ZNF318: variants seen among roughly 807,000 people sequenced by gnomAD.
The protein encoded by ZNF318 is zinc finger protein 318, also known as endocrine regulator.
In ZNF318, 51 loss-of-function variants were observed where a neutral mutation model predicts 124.2. The ratio of observed to expected loss-of-function variants is 0.41; its 90% CI spans 0.33 to 0.52. The LOEUF (loss-of-function observed/expected upper bound fraction) is 0.52. Ranked by LOEUF, ZNF318 falls within the 20% of genes least tolerant of loss-of-function variation. The probability of loss-of-function intolerance (pLI) is 0.23; values close to 1 mark genes in which losing one functional copy is unlikely to be tolerated. For synonymous variants in ZNF318, 1,090 were observed against 1,040.7 expected (o/e 1.05, Z -0.91); for missense variants, 2,815 against 2,811.2 (o/e 1.00, Z -0.03).
chr6:43,362,152 C>A (rs1451667442), intron 2 of ZNF318, among the ~76,000 whole-genome samples: 1 of 150,920 alleles, frequency 6.6e-6, no homozygotes, highest in Non-Finnish European at 1.5e-5. Flanking sequence ...AGAGTGAGAC[C>A]CTGTCTCTTA....
chr6:43,355,214 T>A lies in ZNF318; in HGVS notation c.2120A>T (p.Lys707Ile), dbSNP rs767801219. 2.5e-6 allele frequency: 4 copies of A among 1,614,184 alleles called. No homozygotes were observed. The highest frequency in any genetic ancestry group is 3.4e-6 in the Non-Finnish European group (4 of 1,180,042). ...PSPVDPYLLT[K>I]NSPPFLKSDH... is the part of the protein sequence containing the mutation. ...AGACTTTAGGAATGGAGGGCTGTTTTTTGTGAGCAGGTAAGGATCCACAGG... is the reference window on the plus strand; with the variant it reads ...AGACTTTAGGAATGGAGGGCTGTTTATTGTGAGCAGGTAAGGATCCACAGG... The change falls in exon 4 of 10, where the codon AAA (lysine) becomes ATA (isoleucine). Residue 707 changes from lysine (K) to isoleucine (I), a missense_variant. Lys to Ile is a moderately radical substitution (Grantham distance 102). Transcript: ENST00000361428.
chr6:43,368,799 A>C, intron 1 of ZNF318, 168 bp downstream of exon 1: 1 of 984,858 alleles, frequency 1.0e-6, no homozygotes, highest in Non-Finnish European at 1.2e-6. Context: ...TATTGTGTCA[A>C]CGCTCCCGGG....
At chr6:43,353,713 A>C (rs1779564958) in intron 4 of ZNF318, among the ~76,000 whole-genome samples, 1 of 152,148 alleles carries the variant, frequency 6.6e-6, no homozygotes. Context: ...TAGACACATT[A>C]CATTTTTATG....
Position 43,356,016 on chromosome 6 carries a change from CTA to C in ZNF318, c.1316_1317del (p.Val439GlyfsTer40). On this transcript the variant is annotated frameshift_variant, in exon 4 of 10. Transcript: ENST00000361428. LOFTEE classifies it high-confidence loss of function. ...ASEIENKGTM[V>X]ETALKEPQGN... ...CCCTGAGGTTCCTTCAAGGCAGTCT[CTA>C]CCATAGTCCCCTTGTTTTCAATCTC... The C allele has an allele frequency of 6.2e-7, 1 of 1,614,208 alleles. No individual in the cohort carries two copies.
At chr6:43,364,936 C>T (rs1038205068) in intron 2 of ZNF318, among the ~76,000 whole-genome samples, 2 of 152,140 alleles carry the variant, frequency 1.3e-5, no homozygotes, top group Admixed American at 6.5e-5. Flanking sequence ...TTGTCCAGAA[C>T]TTTTCTTTGG....
At chr6:43,346,500 A>G (rs2150751281) in intron 6 of ZNF318, among the ~76,000 whole-genome samples, 1 of 145,846 alleles carries the variant, frequency 6.9e-6, no homozygotes, top group Admixed American at 6.9e-5. Flanking sequence ...AGCCTGGGCA[A>G]TATAGCAAGA....
At chr6:43,361,587 T>A (rs1329820007) in intron 2 of ZNF318, among the ~76,000 whole-genome samples, 5 of 152,240 alleles carry the variant, frequency 3.3e-5, no homozygotes, top group East Asian at 1.9e-4. Context: ...TAATTTTTTT[T>A]AAATAAATAG....
Position 43,354,866 on chromosome 6 carries a change from G to C in ZNF318, c.2468C>G (p.Pro823Arg), listed in dbSNP as rs779501689. The C allele has an allele frequency of 6.2e-7, 1 of 1,614,168 alleles. No individual in the cohort carries two copies. The highest frequency in any genetic ancestry group is 1.1e-5 in the South Asian group (1 of 91,086). The change falls in exon 4 of 10, where the codon CCA becomes CGA. Residue 823 changes from proline (P) to arginine (R), a missense_variant. Physicochemically the swap from Pro to Arg is moderately radical, Grantham distance 103. Coordinates refer to ENST00000361428, the MANE Select transcript of ZNF318 (RefSeq NM_014345.3). ...GCTACGAGTAGCTTGTTTGGTTATTGGCATTATCCTGTGTGGTTCAGGTAC... is the reference window on the plus strand; with the variant it reads ...GCTACGAGTAGCTTGTTTGGTTATTCGCATTATCCTGTGTGGTTCAGGTAC... ...HPVPEPHRIM[P>R]ITKQATRSRP... is the part of the protein sequence containing the mutation.
rs770942028 is a variant in ZNF318 at position 43,355,915 on chromosome 6, A to G, written c.1419T>C (p.Phe473=). 6.2e-7 allele frequency: 1 copy of G among 1,614,212 alleles called. No homozygotes were observed. Among genetic ancestry groups the G allele is most frequent in the East Asian group, 2.2e-5 (1 of 44,884 alleles). ...NSPLREKFGS[F]LCHKDNLDLK... is the part of the protein sequence containing the mutation. ...AATCCAAATTATCCTTGTGGCATAG[A>G]AAACTTCCAAATTTTTCTCTGAGAG... Residue 473 remains phenylalanine, a synonymous_variant, in exon 4 of 10, where the codon TTT becomes TTC. Coordinates refer to ENST00000361428, the MANE Select transcript of ZNF318 (RefSeq NM_014345.3).
intron 4 of ZNF318, among the ~76,000 whole-genome samples, chr6:43,353,703 T>TA (rs899009708): frequency 1.5e-4 from 23 of 152,256 alleles, no homozygotes; most frequent in African/African-American, 3.9e-4. Context: ...CAAACCAAAT[T>TA]AGACACATTA....
Position 43,355,942 on chromosome 6 carries a change from A to G in ZNF318, c.1392T>C (p.Ser464=), listed in dbSNP as rs1323638660. 4 of 1,614,058 alleles carry G rather than the reference A, an allele frequency of 2.5e-6. No individual in the cohort carries two copies. The African/African-American group carries it at 5.3e-5, about 22-fold the overall frequency. Residue 464 remains serine, a synonymous_variant, in exon 4 of 10, where the codon AGT becomes AGC. Coordinates refer to ENST00000361428, the MANE Select transcript of ZNF318 (RefSeq NM_014345.3). ...GPLPGIPKDN[S]PLREKFGSFL... is the part of the protein sequence containing the mutation. ...AACTTCCAAATTTTTCTCTGAGAGG[A>G]CTGTTGTCTTTGGGAATCCCAGGAA... is the stretch of plus-strand genomic sequence containing the variant.
chr6:43,355,721 A>G lies in ZNF318; in HGVS notation c.1613T>C (p.Leu538Pro), dbSNP rs1193577912. ...FPDIEDEEKF[L>P]YGDEEEDLKA... ...TAAATCCTCTTCTTCATCCCCATAG[A>G]GAAATTTCTCCTCATCTTCAATGTC... is the stretch of plus-strand genomic sequence containing the variant. Residue 538 changes from leucine to proline, a missense_variant, in exon 4 of 10, where the codon CTC becomes CCC. Around this residue, in one of 4 missense-constraint regions of ZNF318, gnomAD observed 1,377 missense variants for 1,353.5 expected, o/e 1.02. Transcript: ENST00000361428. 2 of 1,614,042 alleles carry G rather than the reference A, an allele frequency of 1.2e-6. No homozygotes were observed. Among genetic ancestry groups the G allele is most frequent in the Non-Finnish European group, 1.7e-6 (2 of 1,180,036 alleles).
At chr6:43,351,939 G>A (rs1395115668) in intron 5 of ZNF318, among the ~76,000 whole-genome samples, 2 of 152,006 alleles carry the variant, frequency 1.3e-5, no homozygotes, top group Admixed American at 6.6e-5. Context: ...TGAGGAGTTC[G>A]AGACCAAACT....
chr6:43,342,235 T>A (rs373174372), intron 7 of ZNF318, 24 bp from the exon 8 acceptor site: 15 of 1,566,288 alleles, frequency 9.6e-6, no homozygotes, highest in African/African-American at 4.1e-5. Flanking sequence ...GCAGAGGTGC[T>A]CACACAACAG....
chr6:43,340,283 CAG>C lies in ZNF318; in HGVS notation c.3713_3714del (p.Ser1238Ter). ...GCTTTTTCAGGGGAGTTCCTACCCT[CAG>C]AGAGTTGGTCTTCTAATTTCTCAGA... is the stretch of plus-strand genomic sequence containing the variant. Reference protein sequence around the residue: ...KVSEKLEDQLSEGRNSPEKAE... With the variant: ...KVSEKLEDQLXEGRNSPEKAE... On this transcript the variant is annotated frameshift_variant, in exon 10 of 10. Coordinates refer to ENST00000361428, the MANE Select transcript of ZNF318 (RefSeq NM_014345.3). LOFTEE classifies it high-confidence loss of function. The C allele has an allele frequency of 6.2e-7, 1 of 1,613,982 alleles. No homozygotes were observed. The highest frequency in any genetic ancestry group is 8.5e-7 in the Non-Finnish European group (1 of 1,179,992).
chr6:43,356,488 C>G (rs947647457), intron 3 of ZNF318, among the ~76,000 whole-genome samples: 1 of 152,174 alleles, frequency 6.6e-6, no homozygotes, highest in Admixed American at 6.5e-5. Context: ...GCTGCTTTGG[C>G]TGAAGTGGGG....
intron 5 of ZNF318, among the ~76,000 whole-genome samples, chr6:43,350,966 G>A (rs1266631923): frequency 6.6e-6 from 1 of 152,142 alleles, no homozygotes; most frequent in Non-Finnish European, 1.5e-5. Flanking sequence ...TAATTAAAAA[G>A]GATAAAACAG....
At chr6:43,353,519 C>T (rs550209516) in intron 4 of ZNF318, among the ~76,000 whole-genome samples, 51 of 152,072 alleles carry the variant, frequency 3.4e-4, no homozygotes, top group South Asian at 6.2e-4. Flanking sequence ...GGACTACAGG[C>T]GCGTGCCACC....
chr6:43,352,310 A>T, intron 5 of ZNF318, 67 bp downstream of exon 5: 1 of 1,338,898 alleles, frequency 7.5e-7, no homozygotes, highest in East Asian at 2.3e-5. Flanking sequence ...AACCTGTGTG[A>T]GAGTACCAAA....
Sources: gnomAD v4.1 joint callset for allele counts (sites outside exome capture counted in the v4.1 genomes callset) on GRCh38, gnomAD v4.1.1 for gene constraint, gnomAD v4.1.1 regional missense constraint, MANE v1.5 for transcripts, NCBI Gene and HGNC (gene_info 2026-07-23, HGNC 2026-07-21) for gene names.